The following CLVS1 variants were observed in gnomAD, a reference collection of about 807,000 sequenced individuals.
CLVS1 encodes clavesin-1.
CLVS1 carries 10 observed loss-of-function variants against 33.1 expected under a neutral mutation model. The observed-to-expected ratio is 0.30, with a 90% CI of 0.19 to 0.51. CLVS1 has a LOEUF of 0.51. CLVS1 is among the 20% of genes least tolerant of loss of function. CLVS1 has a pLI of 0.97. For synonymous variants in CLVS1, 163 were observed against 166.1 expected, an observed-to-expected ratio of 0.98 and a Z score of 0.14; for missense variants, 343 against 433.4, an observed-to-expected ratio of 0.79 and a Z score of 1.85.
chr8:61,018,893 G>T, the CLVS1 span, among the ~76,000 whole-genome samples: 1 of 152,228 alleles, frequency 6.6e-6, no homozygotes, highest in African/African-American at 2.4e-5. Context: ...TGGCAATTTT[G>T]CTCTGAATTC....
the CLVS1 span, among the ~76,000 whole-genome samples, chr8:61,029,442 C>G: frequency 6.6e-6 from 1 of 152,080 alleles, no homozygotes; most frequent in African/African-American, 2.4e-5. Flanking sequence ...GAGAGGCTGC[C>G]CCTTCTCATC....
At chr8:61,212,739 A>T (rs563115657) in intron 2 of CLVS1, among the ~76,000 whole-genome samples, 1 of 152,292 alleles carries the variant, frequency 6.6e-6, no homozygotes, top group East Asian at 1.9e-4. Context: ...TCTAGGGAAG[A>T]CAGAAGATGG....
intron 5 of CLVS1, among the ~76,000 whole-genome samples, chr8:61,493,702 T>G (rs909299470): frequency 2.0e-5 from 3 of 152,238 alleles, no homozygotes; most frequent in African/African-American, 7.2e-5. Flanking sequence ...TCTTCCTGTT[T>G]AGAAGCCTTT....
chr8:61,281,800 T>C (rs1304341703), intron 2 of CLVS1, among the ~76,000 whole-genome samples: 2 of 152,162 alleles, frequency 1.3e-5, no homozygotes, highest in African/African-American at 4.8e-5. Context: ...AACCTGCCCT[T>C]CTGACTCGAG....
At chr8:61,326,713 A>G (rs1345484884) in intron 2 of CLVS1, among the ~76,000 whole-genome samples, 5 of 152,166 alleles carry the variant, frequency 3.3e-5, no homozygotes, top group African/African-American at 4.8e-5. Context: ...TGTATTCTCT[A>G]TGGCATAAAG....
At chr8:61,083,441 C>T (rs1002391242) in intron 1 of CLVS1, among the ~76,000 whole-genome samples, 11 of 152,054 alleles carry the variant, frequency 7.2e-5, no homozygotes, top group Non-Finnish European at 1.3e-4. Context: ...GGCCAGTGTA[C>T]AAAGGAGAAG....
intron 5 of CLVS1, among the ~76,000 whole-genome samples, chr8:61,472,241 A>G (rs1317100395): frequency 1.3e-5 from 2 of 152,226 alleles, no homozygotes; most frequent in Non-Finnish European, 2.9e-5. Context: ...TGAAGATCAT[A>G]TGTTTCCCAA....
At chr8:61,401,289 C>T (rs1375447062) in intron 3 of CLVS1, among the ~76,000 whole-genome samples, 1 of 151,438 alleles carries the variant, frequency 6.6e-6, no homozygotes, top group Non-Finnish European at 1.5e-5. Context: ...TGCTTAAATG[C>T]CCTGGAGAGA....
intron 1 of CLVS1, among the ~76,000 whole-genome samples, chr8:61,062,867 C>A (rs1233051991): frequency 2.0e-5 from 3 of 152,180 alleles, no homozygotes; most frequent in Admixed American, 6.5e-5. Flanking sequence ...AACCACTGAA[C>A]AATTGTTAGT....
At chr8:61,312,315 T>C (rs1228194766) in intron 2 of CLVS1, among the ~76,000 whole-genome samples, 1 of 152,172 alleles carries the variant, frequency 6.6e-6, no homozygotes, top group Admixed American at 6.5e-5. Flanking sequence ...CTGGGAAAGA[T>C]TAAGTGCCCA....
intron 2 of CLVS1, among the ~76,000 whole-genome samples, chr8:61,252,267 C>T (rs1390724526): frequency 6.6e-6 from 1 of 152,172 alleles, no homozygotes; most frequent in Admixed American, 6.5e-5. Flanking sequence ...TTTGATTGCA[C>T]TGTGGTCTGA....
intron 2 of CLVS1, among the ~76,000 whole-genome samples, chr8:61,218,768 C>A (rs1808145826): frequency 7.9e-6 from 1 of 126,862 alleles, no homozygotes; most frequent in Admixed American, 8.4e-5. Flanking sequence ...AACTCCATCT[C>A]TAGTAAAAAT....
chr8:61,395,484 T>C (rs1003719784), intron 3 of CLVS1, among the ~76,000 whole-genome samples: 1 of 152,244 alleles, frequency 6.6e-6, no homozygotes, highest in African/African-American at 2.4e-5. Context: ...ACAAAAATGA[T>C]AAATCATTGA....
At chr8:61,155,129 CATGTTAAGT>C (rs373728250) in intron 2 of CLVS1, among the ~76,000 whole-genome samples, 1 of 152,280 alleles carries the variant, frequency 6.6e-6, no homozygotes, top group African/African-American at 2.4e-5. Context: ...GAGCAAACTG[CATGTTAAGT>C]ACATGAAGGA....
the CLVS1 span, among the ~76,000 whole-genome samples, chr8:61,023,033 A>G: frequency 6.6e-6 from 1 of 152,240 alleles, no homozygotes; most frequent in Non-Finnish European, 1.5e-5. Context: ...TAAATGTTGC[A>G]GCGCCCGAAT....
At chr8:61,422,641 A>T (rs1021762792) in intron 3 of CLVS1, among the ~76,000 whole-genome samples, 1 of 152,198 alleles carries the variant, frequency 6.6e-6, no homozygotes, top group Non-Finnish European at 1.5e-5. Context: ...CCAGTGAGGA[A>T]CCATATAGTA....
the CLVS1 span, among the ~76,000 whole-genome samples, chr8:61,044,123 T>A: frequency 6.6e-6 from 1 of 152,324 alleles, no homozygotes; most frequent in Non-Finnish European, 1.5e-5. Context: ...CAGGTATTTC[T>A]GCTGTTTAGA....
intron 1 of CLVS1, among the ~76,000 whole-genome samples, chr8:61,059,479 T>C (rs541299292): frequency 6.5e-4 from 44 of 67,996 alleles, no homozygotes; most frequent in African/African-American, 3.0e-3. Flanking sequence ...TACATACATA[T>C]ATATATATAT....
At chr8:61,268,138 G>T (rs951875097) in intron 2 of CLVS1, among the ~76,000 whole-genome samples, 2 of 151,446 alleles carry the variant, frequency 1.3e-5, no homozygotes, top group Non-Finnish European at 2.9e-5. Context: ...CTAGCATTAG[G>T]TATATCTCCC....
Sources: allele counts gnomAD v4.1 joint callset (sites outside exome capture counted in the v4.1 genomes callset), GRCh38; gene constraint gnomAD v4.1.1; transcripts MANE v1.5; gene names NCBI Gene and HGNC (gene_info 2026-07-23, HGNC 2026-07-21).